MLX: variants seen among roughly 807,000 people sequenced by gnomAD.
MLX encodes the protein MAX dimerization protein MLX.
A neutral mutation model predicts 33.0 loss-of-function variants in MLX; 15 were observed. The observed-to-expected ratio is 0.45, with a 90% CI of 0.30 to 0.70. The LOEUF (loss-of-function observed/expected upper bound fraction) is 0.70, where lower values mean the gene tolerates loss of function less well. Ranked by LOEUF, MLX falls within the 30% of genes least tolerant of loss-of-function variation. The probability of loss-of-function intolerance (pLI) is 0.07; values close to 1 mark genes in which losing one functional copy is unlikely to be tolerated. For synonymous variants in MLX, 115 were observed against 115.6 expected, an observed-to-expected ratio of 0.99 and a Z score of 0.03; for missense variants, 285 against 306.3, an observed-to-expected ratio of 0.93 and a Z score of 0.52.
At chr17:42,571,160 C>T (rs1289931908) in intron 7 of MLX, among the ~76,000 whole-genome samples, 4 of 129,062 alleles carry the variant, frequency 3.1e-5, no homozygotes, top group Non-Finnish European at 4.7e-5. Context: ...TTTTTTGAGA[C>T]GGAGTCTCAC....
chr17:42,572,844 G>A lies in MLX; in HGVS notation c.*1241G>A. The A allele has an allele frequency of 1.7e-6, 2 of 1,167,506 alleles. No homozygotes were observed. Among genetic ancestry groups the A allele is most frequent in the Non-Finnish European group, 2.5e-6 (2 of 788,036 alleles). The allele number at this position is 1,167,506 out of a possible 1,614,324, so 72.3% of individuals were successfully genotyped here. A position where few individuals can be genotyped will look rare whatever the true frequency, so the allele number is the denominator to read the frequency against. On this transcript the variant is annotated 3_prime_UTR_variant, in exon 8 of 8. Coordinates refer to ENST00000435881, the MANE Select transcript of MLX (RefSeq NM_198204.2). ...TCTGGTTTATGCTTGTCTCCTGACT[G>A]CTCTGCTTAAAGGTGAAAGTAGCAG...
chr17:42,571,503 T>C (rs774218605), intron 7 of MLX, 44 bp from the exon 8 acceptor site: 110 of 1,603,420 alleles, frequency 6.9e-5, no homozygotes, highest in Non-Finnish European at 8.9e-5. Context: ...CTACTCTGCG[T>C]TGACTTGGGC....
chr17:42,568,490 C>T lies in MLX; in HGVS notation c.100C>T (p.Arg34Cys), dbSNP rs761458396. 15 of 1,613,746 alleles carry T rather than the reference C, an allele frequency of 9.3e-6. No individual in the cohort carries two copies. The highest frequency in any genetic ancestry group is 1.6e-4 in the Middle Eastern group (1 of 6,078). ...LDPGLFVESTRKGSVVSRANS... is the reference protein window; with the variant it reads ...LDPGLFVESTCKGSVVSRANS... ...TCCAGGGCTTTTTGTAGAAAGCACC[C>T]GCAAGGGGAGTGTAGTGTCCAGAGC... The change falls in exon 3 of 8, where the codon CGC (arginine) becomes TGC (cysteine). Residue 34 changes from arginine to cysteine, a missense_variant. Coordinates refer to ENST00000435881, the MANE Select transcript of MLX (RefSeq NM_198204.2).
At chr17:42,568,320 G>A (rs949354649) in intron 2 of MLX, 150 bp from the exon 3 acceptor site, 17 of 442,760 alleles carry the variant, frequency 3.8e-5, no homozygotes, top group Non-Finnish European at 7.0e-5. Context: ...CCGAGATCGC[G>A]CCACTGCACT....
intron 4 of MLX, 99 bp downstream of exon 4, chr17:42,569,042 G>A (rs2093020588): frequency 7.5e-7 from 1 of 1,324,542 alleles, no homozygotes; most frequent in South Asian, 1.2e-5. Flanking sequence ...GGCACCCTAG[G>A]GGGTGGGCAG....
intron 5 of MLX, 71 bp from the exon 6 acceptor site, chr17:42,569,436 A>T: frequency 6.6e-7 from 1 of 1,522,062 alleles, no homozygotes; most frequent in Non-Finnish European, 9.1e-7. Flanking sequence ...GGTAAGGGGA[A>T]CAAAGTCAGC....
intron 6 of MLX, 150 bp downstream of exon 6, chr17:42,569,756 C>T (rs1844121319): frequency 1.4e-6 from 1 of 739,584 alleles, no homozygotes; most frequent in Non-Finnish European, 2.3e-6. Flanking sequence ...CCCCAACTGT[C>T]CTTACACATG....
At chr17:42,567,592 G>A (rs2035438042) in intron 1 of MLX, 27 bp from the exon 2 acceptor site, 1 of 1,613,870 alleles carries the variant, frequency 6.2e-7, no homozygotes, top group Non-Finnish European at 8.5e-7. Flanking sequence ...GAGGTCTGAC[G>A]GGCCCTTCCC....
Position 42,569,769 on chromosome 17 carries a change from A to C in MLX, c.476+163A>C. 5.5e-6 allele frequency: 4 copies of C among 722,526 alleles called. No individual in the cohort carries two copies. The South Asian group carries it at 6.9e-5, about 12-fold the overall frequency. 44.8% of individuals were successfully genotyped at this position (722,526 alleles called of 1,614,324 possible). A position where few individuals can be genotyped will look rare whatever the true frequency, so the allele number is the denominator to read the frequency against. On this transcript the variant is annotated intron_variant, in intron 6 of 7. Transcript: ENST00000435881. ...ATCCCCAACTGTCCTTACACATGGC[A>C]GACACTCAGGAAATGCCTGTTGGAT...
chr17:42,568,456 C>T lies in MLX; in HGVS notation c.80-14C>T. ...CCACCCCACCCCTTAGTGATTGGGG[C>T]CTCTCTTTTCCAGGGCTTTTTGTAG... On this transcript the variant is annotated splice_polypyrimidine_tract_variant and intron_variant, in intron 2 of 7. Coordinates refer to ENST00000435881, the MANE Select transcript of MLX (RefSeq NM_198204.2). 1.2e-6 allele frequency: 2 copies of T among 1,608,658 alleles called. No homozygotes were observed. The highest frequency in any genetic ancestry group is 1.7e-6 in the Non-Finnish European group (2 of 1,175,232).
intron 3 of MLX, 98 bp from the exon 4 acceptor site, chr17:42,568,739 C>T: frequency 8.5e-7 from 1 of 1,170,840 alleles, no homozygotes. Flanking sequence ...CATCTGCCTT[C>T]TCTGGACACC....
rs769814463 is a variant in MLX, at chr17:42,571,641, C to A, written c.*38C>A. On this transcript the variant is annotated 3_prime_UTR_variant, in exon 8 of 8. Coordinates refer to ENST00000435881, the MANE Select transcript of MLX (RefSeq NM_198204.2). ...AACCTGGAGAACAGCCAACAAGAGG[C>A]CCTTGAATCTCTACGTGGCCACTGA... 6.2e-7 allele frequency: 1 copy of A among 1,603,492 alleles called. No individual in the cohort carries two copies. The highest frequency in any genetic ancestry group is 1.7e-5 in the Admixed American group (1 of 60,006).
intron 1 of MLX, 84 bp downstream of exon 1, chr17:42,567,250 C>T: frequency 7.5e-7 from 1 of 1,325,594 alleles, no homozygotes; most frequent in Non-Finnish European, 9.7e-7. Context: ...GAGGGGCTTC[C>T]CTCCTGTCCC....
rs1396881738 is a variant in MLX, at chr17:42,569,613, GGGGTGCTGAAT to G, written c.476+11_476+21del. ...CCCTAAAGATCATGAAAGTGTAAGAGGGGTGCTGAATGGGGGGAACCAGAACTTCTGAGGCA... is the reference window on the plus strand; with the variant it reads ...CCCTAAAGATCATGAAAGTGTAAGAGGGGGGGAACCAGAACTTCTGAGGCA... On this transcript the variant is annotated splice_region_variant and intron_variant, in intron 6 of 7. Coordinates refer to ENST00000435881, the MANE Select transcript of MLX (RefSeq NM_198204.2). 2.5e-6 allele frequency: 4 copies of G among 1,610,898 alleles called. No homozygotes were observed. The highest frequency in any genetic ancestry group is 3.4e-6 in the Non-Finnish European group (4 of 1,177,294).
In MLX at chr17:42,569,272, A is replaced by G. The variant is rs1015383378; in HGVS notation, c.345A>G (p.Gln115=). ...CQQQDFSIGS[Q]KLSKAIVLQK... ...AGCAGGACTTCTCCATTGGCTCCCA[A>G]AAGCTCAGCAAAGCCATCGTTCTAC... Residue 115 remains glutamine (Q), a synonymous_variant, in exon 5 of 8, where the codon CAA becomes CAG. Transcript: ENST00000435881. 3 of 1,614,148 alleles carry G rather than the reference A, an allele frequency of 1.9e-6. No individual in the cohort carries two copies. Among genetic ancestry groups the G allele is most frequent in the South Asian group, 1.1e-5 (1 of 91,084 alleles).
In MLX at chr17:42,568,901, C is replaced by G; in HGVS notation, c.234C>G (p.Arg78=). The part of the protein sequence containing the change: ...YKESYKDRRR[R]AHTQAEQKRR... The stretch of plus-strand genomic sequence containing the variant: ...AGTCCTACAAAGACCGGCGGCGGCG[C>G]GCACACACTCAGGCTGAGCAGAAGA... Residue 78 remains arginine, a synonymous_variant, in exon 4 of 8, where the codon CGC becomes CGG. Transcript: ENST00000435881. 6.2e-7 allele frequency: 1 copy of G among 1,611,384 alleles called. No homozygotes were observed. The highest frequency in any genetic ancestry group is 8.5e-7 in the Non-Finnish European group (1 of 1,178,648).
chr17:42,571,582 A>G lies in MLX; in HGVS notation c.714A>G (p.Gln238=), dbSNP rs754355759. The change falls in exon 8 of 8, where the codon CAA becomes CAG. Residue 238 remains glutamine, a synonymous_variant. Coordinates refer to ENST00000435881, the MANE Select transcript of MLX (RefSeq NM_198204.2). ...LREIVIGVLH[Q]LKNQLY ...AGATTGTGATTGGCGTCCTGCACCA[A>G]TTGAAAAACCAGCTTTACTGACCGG... 31 of 1,614,002 alleles carry G rather than the reference A, an allele frequency of 1.9e-5. No homozygotes were observed. Among genetic ancestry groups the G allele is most frequent in the Non-Finnish European group, 2.5e-5 (30 of 1,180,010 alleles).
chr17:42,571,429 C>CG (rs35804110), intron 7 of MLX, 118 bp from the exon 8 acceptor site: 11 of 1,129,310 alleles, frequency 9.7e-6, no homozygotes, highest in East Asian at 2.4e-5. Context: ...ACCTGGCCCC[C>CG]GGGGGGCTAT....
intron 5 of MLX, 67 bp downstream of exon 5, chr17:42,569,370 A>T (rs2093021751): frequency 6.5e-7 from 1 of 1,545,022 alleles, no homozygotes; most frequent in African/African-American, 1.4e-5. Flanking sequence ...AGTGCCTCCT[A>T]CCCACCCATG....
Sources: allele counts gnomAD v4.1 joint callset (sites outside exome capture counted in the v4.1 genomes callset), GRCh38; gene constraint gnomAD v4.1.1; transcripts MANE v1.5; gene names NCBI Gene and HGNC (gene_info 2026-07-23, HGNC 2026-07-21).